The following MSANTD5 variants were observed in gnomAD, a reference collection of about 807,000 sequenced individuals.
The protein encoded by MSANTD5 is uncharacterized protein MSANTD5.
upstream of MSANTD5, among the ~76,000 whole-genome samples, chr5:178,702,603 T>A (rs1025457241): frequency 2.9e-5 from 4 of 139,524 alleles, no homozygotes; most frequent in Non-Finnish European, 6.4e-5. Flanking sequence ...CCAGCCAATT[T>A]TTCTTTTTTT....
At chr5:178,701,777 C>A (rs113351213), upstream of MSANTD5, among the ~76,000 whole-genome samples, 1,080 of 147,812 alleles carry the variant, frequency 7.3e-3, 5 homozygotes, top group African/African-American at 0.024. Context: ...TGGAGTTTTG[C>A]TCTTTTTGTC....
chr5:178,693,683 A>G (rs975592270), downstream of MSANTD5, among the ~76,000 whole-genome samples: 4 of 151,770 alleles, frequency 2.6e-5, no homozygotes, highest in African/African-American at 9.7e-5. Context: ...TTATTCCCTT[A>G]TTTGCCCCTG....
exon 2 of MSANTD5, chr5:178,696,146 G>A (rs766669807): frequency 6.6e-6 from 1 of 152,022 alleles, no homozygotes; most frequent in Non-Finnish European, 1.5e-5. Flanking sequence ...CCATTTTCTG[G>A]ATGTTTATGG....
chr5:178,706,963 G>A, the MSANTD5 span: 5 of 152,068 alleles, frequency 3.3e-5, no homozygotes, highest in Admixed American at 1.3e-4. Flanking sequence ...ACCAGTTTTG[G>A]CTCCAGTGGG....
chr5:178,707,147 T>G, the MSANTD5 span: 3 of 152,160 alleles, frequency 2.0e-5, no homozygotes, highest in East Asian at 1.9e-4. Flanking sequence ...TAGTTGAAAC[T>G]GGGGGTTCCA....
At chr5:178,693,565 G>A (rs531854776), downstream of MSANTD5, among the ~76,000 whole-genome samples, 1 of 151,944 alleles carries the variant, frequency 6.6e-6, no homozygotes, top group Non-Finnish European at 1.5e-5. Flanking sequence ...AGACCCAAAG[G>A]GTGAGCAGCA....
At chr5:178,703,765 G>A in the MSANTD5 span, among the ~76,000 whole-genome samples, 1 of 152,038 alleles carries the variant, frequency 6.6e-6, no homozygotes, top group East Asian at 1.9e-4. Flanking sequence ...GGTGGATCAT[G>A]AGGTCAGGAG....
the MSANTD5 span, among the ~76,000 whole-genome samples, chr5:178,706,194 A>G: frequency 1.3e-5 from 2 of 152,286 alleles, no homozygotes; most frequent in East Asian, 3.9e-4. Flanking sequence ...TTGAACCAAC[A>G]TTGGACTTCT....
chr5:178,707,374 G>A, the MSANTD5 span, among the ~76,000 whole-genome samples: 1 of 151,822 alleles, frequency 6.6e-6, no homozygotes, highest in Non-Finnish European at 1.5e-5. Context: ...ATATGGATAG[G>A]ACACCTTCTA....
chr5:178,693,580 G>T (rs1379108271), downstream of MSANTD5, among the ~76,000 whole-genome samples: 1 of 152,070 alleles, frequency 6.6e-6, no homozygotes, highest in African/African-American at 2.4e-5. Flanking sequence ...GCAGCAGCAA[G>T]AATTTATTGT....
At chr5:178,691,807 G>A (rs375744518), downstream of MSANTD5, among the ~76,000 whole-genome samples, 16 of 136,556 alleles carry the variant, frequency 1.2e-4, 2 homozygotes, top group East Asian at 1.4e-3. Flanking sequence ...ATCATCAGCC[G>A]CCAGGGAACT....
chr5:178,706,961 TGGCTCCAGTG>T, the MSANTD5 span: 3 of 152,208 alleles, frequency 2.0e-5, no homozygotes, highest in Admixed American at 2.0e-4. Flanking sequence ...CGACCAGTTT[TGGCTCCAGTG>T]GGCTCCAAGT....
upstream of MSANTD5, among the ~76,000 whole-genome samples, chr5:178,697,853 A>G (rs534521392): frequency 2.6e-5 from 4 of 152,330 alleles, no homozygotes; most frequent in African/African-American, 9.6e-5. Flanking sequence ...CTAAAGATAA[A>G]CTAATTTAGT....
At chr5:178,700,786 T>A (rs1765470070), upstream of MSANTD5, among the ~76,000 whole-genome samples, 1 of 152,206 alleles carries the variant, frequency 6.6e-6, no homozygotes, top group East Asian at 1.9e-4. Context: ...GGGACCTTTT[T>A]ATTTCTGACA....
the MSANTD5 span, among the ~76,000 whole-genome samples, chr5:178,705,729 G>A: frequency 1.3e-5 from 2 of 152,012 alleles, no homozygotes; most frequent in South Asian, 2.1e-4. Context: ...AGGCCGAGGC[G>A]GGAGGATCAC....
At chr5:178,701,828 C>T (rs1765487718), upstream of MSANTD5, among the ~76,000 whole-genome samples, 1 of 149,882 alleles carries the variant, frequency 6.7e-6, no homozygotes, top group African/African-American at 2.4e-5. Flanking sequence ...CTACTGGAAC[C>T]TCTGCCTCCC....
the MSANTD5 span, among the ~76,000 whole-genome samples, chr5:178,702,848 C>T: frequency 4.6e-5 from 7 of 152,152 alleles, no homozygotes; most frequent in Non-Finnish European, 7.3e-5. Flanking sequence ...CTGTCCGCCT[C>T]GGCCTCCCAA....
At chr5:178,705,231 A>G in the MSANTD5 span, among the ~76,000 whole-genome samples, 3 of 152,026 alleles carry the variant, frequency 2.0e-5, no homozygotes, top group Non-Finnish European at 2.9e-5. Context: ...TATTTTTAGT[A>G]GAGATGGGGT....
At chr5:178,704,600 T>C in the MSANTD5 span, among the ~76,000 whole-genome samples, 3 of 152,072 alleles carry the variant, frequency 2.0e-5, no homozygotes, top group East Asian at 5.8e-4. Context: ...AACAAATGGG[T>C]ATGTAGTGAT....
Sources: gnomAD v4.1 joint callset for allele counts (sites outside exome capture counted in the v4.1 genomes callset) on GRCh38, gnomAD v4.1.1 for gene constraint, MANE v1.5 for transcripts, NCBI Gene and HGNC (gene_info 2026-07-23, HGNC 2026-07-21) for gene names.